BZW2: variants seen among roughly 807,000 people sequenced by gnomAD.
BZW2 encodes the protein eIF5-mimic protein 1.
Under a neutral mutation model 53.2 loss-of-function variants are expected in BZW2, and 23 were observed. The observed-to-expected ratio is 0.43, with a 90% CI of 0.31 to 0.61. The LOEUF (loss-of-function observed/expected upper bound fraction) is 0.61. BZW2 is among the 20% of genes least tolerant of loss of function. The probability of loss-of-function intolerance (pLI) is 0.09; values close to 1 mark genes in which losing one functional copy is unlikely to be tolerated. For synonymous variants in BZW2, 227 were observed against 186.4 expected (o/e 1.22, Z -1.77); for missense variants, 409 against 503.1 (o/e 0.81, Z 1.79).
intron 3 of BZW2, among the ~76,000 whole-genome samples, chr7:16,677,976 A>G (rs894114440): frequency 6.6e-6 from 1 of 151,968 alleles, no homozygotes; most frequent in Non-Finnish European, 1.5e-5. Context: ...GAGTCCGGAC[A>G]TGTGACGTAA....
chr7:16,666,449 C>A (rs545592555), intron 2 of BZW2, among the ~76,000 whole-genome samples: 2 of 145,876 alleles, frequency 1.4e-5, no homozygotes, highest in East Asian at 4.1e-4. Flanking sequence ...CGTCGTCAGG[C>A]TGGAGTGCAG....
chr7:16,685,895 TGACCC>T lies in BZW2; in HGVS notation c.406-9_406-5del. ...CTTTTTCTTTTTTTTTTTTTTTTTTTGACCCACAGCTTCTCCTCTTCCTTAAAGCC... is the reference window on the plus strand; with the variant it reads ...CTTTTTCTTTTTTTTTTTTTTTTTTTACAGCTTCTCCTCTTCCTTAAAGCC... On this transcript the variant is annotated splice_region_variant and splice_polypyrimidine_tract_variant and intron_variant, in intron 5 of 11. Coordinates refer to ENST00000258761, the MANE Select transcript of BZW2 (RefSeq NM_014038.3). 7.4e-7 allele frequency: 1 copy of T among 1,353,442 alleles called. No individual in the cohort carries two copies. The highest frequency in any genetic ancestry group is 9.7e-7 in the Non-Finnish European group (1 of 1,035,898). The allele number at this position is 1,353,442 out of a possible 1,614,324, so 83.8% of individuals were successfully genotyped here. A position where few individuals can be genotyped will look rare whatever the true frequency, so the allele number is the denominator to read the frequency against.
In BZW2 at chr7:16,664,265, C is replaced by T. The variant is rs140179024; in HGVS notation, c.-7-1172C>T. On this transcript the variant is annotated intron_variant, in intron 1 of 11. Coordinates refer to ENST00000258761, the MANE Select transcript of BZW2 (RefSeq NM_014038.3). ...GGTTCCTGTCCTAGTGGAGGTTACA[C>T]TCATGGAGGGTATAGACCCCAGACA... 8.0e-3 allele frequency among the ~76,000 whole-genome samples: 1,225 copies of T among 152,306 alleles called. 10 individuals carry two copies. Among genetic ancestry groups the T allele is most frequent in the Non-Finnish European group, 0.013 (899 of 68,036 alleles).
At chr7:16,704,521 T>A (rs371420018) in intron 10 of BZW2, 26 bp from the exon 11 acceptor site, 1 of 1,502,656 alleles carries the variant, frequency 6.7e-7, no homozygotes, top group African/African-American at 1.4e-5. Flanking sequence ...TATAGTAACT[T>A]TGAAATCTTT....
Position 16,689,780 on chromosome 7 carries a change from C to G in BZW2, c.542-17C>G, listed in dbSNP as rs1562493286. On this transcript the variant is annotated splice_polypyrimidine_tract_variant and intron_variant, in intron 6 of 11. Coordinates refer to ENST00000258761, the MANE Select transcript of BZW2 (RefSeq NM_014038.3). ...TTGCTCGTAAAAGGAATGAAATTCT[C>G]TTTTGTTTTTCAACAGGCATTGCGG... The G allele has an allele frequency of 6.3e-7, 1 of 1,587,940 alleles. No individual in the cohort carries two copies. The highest frequency in any genetic ancestry group is 1.3e-5 in the African/African-American group (1 of 74,256).
At chr7:16,669,200 A>G (rs770936909) in intron 2 of BZW2, among the ~76,000 whole-genome samples, 1 of 152,182 alleles carries the variant, frequency 6.6e-6, no homozygotes, top group South Asian at 2.1e-4. Flanking sequence ...ATCTCAGCTC[A>G]CTGCAGCCTC....
chr7:16,676,416 T>C (rs1305954430), intron 3 of BZW2, among the ~76,000 whole-genome samples: 2 of 151,736 alleles, frequency 1.3e-5, no homozygotes, highest in South Asian at 2.1e-4. Context: ...GGCATAGTGG[T>C]GGGTGCCTGT....
At chr7:16,668,854 A>C (rs912831087) in intron 2 of BZW2, among the ~76,000 whole-genome samples, 2 of 152,212 alleles carry the variant, frequency 1.3e-5, no homozygotes, top group African/African-American at 4.8e-5. Context: ...TCCTTTATGA[A>C]ACACATCTCA....
chr7:16,661,319 C>G (rs1349500973), intron 1 of BZW2: 1 of 152,120 alleles, frequency 6.6e-6, no homozygotes, highest in African/African-American at 2.4e-5. Flanking sequence ...CCAGGTAAGA[C>G]TGATCAGTCT....
chr7:16,693,378 A>T (rs1363307472), intron 7 of BZW2, among the ~76,000 whole-genome samples: 2 of 152,244 alleles, frequency 1.3e-5, no homozygotes, highest in Non-Finnish European at 2.9e-5. Context: ...TGTAGTTCAT[A>T]AGTGAACTAC....
intron 6 of BZW2, chr7:16,686,381 A>G: frequency 4.3e-6 from 1 of 235,016 alleles, no homozygotes; most frequent in Non-Finnish European, 8.6e-6. Flanking sequence ...GCAGCCTTTA[A>G]CTTTCACCCC....
intron 6 of BZW2, chr7:16,687,352 T>C (rs745711361): frequency 3.9e-5 from 6 of 152,188 alleles, no homozygotes; most frequent in Non-Finnish European, 8.8e-5. Flanking sequence ...ACCTCTGTTA[T>C]ATGGCTTTTC....
intron 9 of BZW2, 159 bp from the exon 10 acceptor site, chr7:16,697,889 T>A: frequency 1.2e-6 from 1 of 803,546 alleles, no homozygotes; most frequent in Non-Finnish European, 1.9e-6. Flanking sequence ...TACTGTTCTG[T>A]TCCCCTCACC....
chr7:16,681,267 A>G, intron 3 of BZW2, 34 bp from the exon 4 acceptor site: 3 of 1,522,014 alleles, frequency 2.0e-6, no homozygotes, highest in Non-Finnish European at 1.8e-6. Context: ...CAATTTCAGT[A>G]TTATCCTAAT....
intron 2 of BZW2, among the ~76,000 whole-genome samples, chr7:16,673,660 G>A (rs760780911): frequency 1.5e-4 from 23 of 151,928 alleles, no homozygotes; most frequent in Non-Finnish European, 2.5e-4. Flanking sequence ...GAGTTTTTGG[G>A]TTAGGATCCA....
intron 1 of BZW2, among the ~76,000 whole-genome samples, chr7:16,648,317 A>G (rs1781916635): frequency 6.6e-6 from 1 of 152,242 alleles, no homozygotes; most frequent in Non-Finnish European, 1.5e-5. Context: ...GAATTATTCT[A>G]GTGTTATGAC....
In BZW2 at chr7:16,681,369, A is replaced by C. The variant is rs766412785; in HGVS notation, c.304A>C (p.Asn102His). The C allele has an allele frequency of 6.2e-7, 1 of 1,614,094 alleles. No homozygotes were observed. Among genetic ancestry groups the C allele is most frequent in the Non-Finnish European group, 8.5e-7 (1 of 1,179,970 alleles). The stretch of plus-strand genomic sequence containing the variant: ...GACCAACCACTGTGTGTTTTCAGCA[A>C]ATGAAGATCATGAAACCATCCGAAA... The part of the protein sequence containing the change: ...KMTNHCVFSA[N>H]EDHETIRNYA... Residue 102 changes from asparagine (N) to histidine (H), a missense_variant, in exon 4 of 12, where the codon AAT becomes CAT. Transcript: ENST00000258761.
intron 4 of BZW2, among the ~76,000 whole-genome samples, chr7:16,682,432 A>G (rs1351771709): frequency 1.3e-5 from 2 of 152,090 alleles, no homozygotes; most frequent in Admixed American, 6.5e-5. Context: ...TCCCCATCAC[A>G]TCGTTGTCTA....
At chr7:16,682,433 T>C (rs181199781) in intron 4 of BZW2, among the ~76,000 whole-genome samples, 15 of 152,312 alleles carry the variant, frequency 9.8e-5, no homozygotes, top group Non-Finnish European at 2.1e-4. Flanking sequence ...CCCCATCACA[T>C]CGTTGTCTAA....
Sources: gnomAD v4.1 joint callset for allele counts (sites outside exome capture counted in the v4.1 genomes callset) on GRCh38, gnomAD v4.1.1 for gene constraint, MANE v1.5 for transcripts, NCBI Gene and HGNC (gene_info 2026-07-23, HGNC 2026-07-21) for gene names.